The following GPC5 variants were observed in gnomAD, a reference collection of about 807,000 sequenced individuals.
The protein encoded by GPC5 is glypican-5.
GPC5 carries 47 observed loss-of-function variants against 53.9 expected under a neutral mutation model. The observed-to-expected ratio is 0.87, with a 90% CI of 0.69 to 1.11. The LOEUF (loss-of-function observed/expected upper bound fraction) is 1.11. Among genes scored for constraint, GPC5 ranks in the 50% most tolerant of loss-of-function variants. GPC5 has a pLI of 0.00. For synonymous variants in GPC5, 286 were observed against 263.3 expected, an observed-to-expected ratio of 1.09 and a Z score of -0.84; for missense variants, 748 against 713.1, an observed-to-expected ratio of 1.05 and a Z score of -0.56.
intron 6 of GPC5, among the ~76,000 whole-genome samples, chr13:91,984,148 T>A (rs2040385807): frequency 6.6e-6 from 1 of 152,218 alleles, no homozygotes; most frequent in African/African-American, 2.4e-5. Context: ...TGAAGTTAAG[T>A]CAACATTGTT....
chr13:92,636,489 G>T (rs1451360360), intron 7 of GPC5, among the ~76,000 whole-genome samples: 1 of 152,130 alleles, frequency 6.6e-6, no homozygotes, highest in Non-Finnish European at 1.5e-5. Flanking sequence ...GCCTTTAGCA[G>T]TTCCCTCCTT....
chr13:92,551,208 G>A (rs1384851810), intron 7 of GPC5, among the ~76,000 whole-genome samples: 1 of 145,390 alleles, frequency 6.9e-6, no homozygotes, highest in Admixed American at 6.8e-5. Flanking sequence ...AGGCCAATGT[G>A]TGATAGTTTA....
At chr13:92,001,827 A>G (rs1473156464) in intron 6 of GPC5, among the ~76,000 whole-genome samples, 1 of 152,226 alleles carries the variant, frequency 6.6e-6, no homozygotes, top group African/African-American at 2.4e-5. Context: ...ATACAACAAA[A>G]GAAAATATTA....
chr13:92,615,117 C>G (rs958698334), intron 7 of GPC5, among the ~76,000 whole-genome samples: 1 of 152,168 alleles, frequency 6.6e-6, no homozygotes, highest in Non-Finnish European at 1.5e-5. Context: ...GAAGCAGAGT[C>G]ACATAATTGA....
At chr13:92,507,602 T>C (rs1427696586) in intron 7 of GPC5, among the ~76,000 whole-genome samples, 2 of 152,202 alleles carry the variant, frequency 1.3e-5, no homozygotes, top group Non-Finnish European at 2.9e-5. Flanking sequence ...CCACTCTACC[T>C]ATAACATCTC....
At chr13:91,400,600 G>A (rs902105284) in intron 1 of GPC5, among the ~76,000 whole-genome samples, 6 of 152,140 alleles carry the variant, frequency 3.9e-5, no homozygotes, top group African/African-American at 1.4e-4. Context: ...TGTGCGTGTG[G>A]GTGGTGAGGG....
At chr13:92,271,548 C>T (rs969105974) in intron 7 of GPC5, among the ~76,000 whole-genome samples, 1 of 152,100 alleles carries the variant, frequency 6.6e-6, no homozygotes, top group African/African-American at 2.4e-5. Context: ...GAATATCATG[C>T]AGCAACTTAT....
chr13:92,528,320 G>A (rs1881436508), intron 7 of GPC5, among the ~76,000 whole-genome samples: 1 of 152,048 alleles, frequency 6.6e-6, no homozygotes, highest in Non-Finnish European at 1.5e-5. Context: ...TGGCCATGCA[G>A]GTCCTTTTGA....
chr13:92,838,739 A>C (rs1463493331), intron 7 of GPC5, among the ~76,000 whole-genome samples: 3 of 152,134 alleles, frequency 2.0e-5, no homozygotes, highest in Non-Finnish European at 1.5e-5. Flanking sequence ...AAATATATAA[A>C]AAGATAGGGA....
intron 1 of GPC5, among the ~76,000 whole-genome samples, chr13:91,422,561 A>G (rs1878712098): frequency 6.6e-6 from 1 of 152,106 alleles, no homozygotes; most frequent in Non-Finnish European, 1.5e-5. Flanking sequence ...GCTGGAACCC[A>G]GAAGGCAGAG....
chr13:92,533,541 T>C (rs1187284739), intron 7 of GPC5, among the ~76,000 whole-genome samples: 1 of 152,178 alleles, frequency 6.6e-6, no homozygotes, highest in Non-Finnish European at 1.5e-5. Context: ...ATAAGCATGT[T>C]TTTTTACATA....
intron 5 of GPC5, among the ~76,000 whole-genome samples, chr13:91,896,607 A>G (rs1280585751): frequency 1.3e-5 from 2 of 152,136 alleles, no homozygotes; most frequent in African/African-American, 2.4e-5. Flanking sequence ...ATGAAGGATG[A>G]AGGGGAGATT....
At chr13:92,730,370 GAT>G (rs1207623462) in intron 7 of GPC5, among the ~76,000 whole-genome samples, 1 of 151,310 alleles carries the variant, frequency 6.6e-6, no homozygotes, top group Non-Finnish European at 1.5e-5. Context: ...CTCAGTGTAA[GAT>G]ATTACTATGA....
chr13:91,918,920 G>C (rs1362670032), intron 6 of GPC5, among the ~76,000 whole-genome samples: 1 of 151,858 alleles, frequency 6.6e-6, no homozygotes, highest in African/African-American at 2.4e-5. Flanking sequence ...TGGCTTCACG[G>C]TAGCTGCCTA....
chr13:91,573,667 AC>A (rs1458369907), intron 2 of GPC5, among the ~76,000 whole-genome samples: 1 of 152,156 alleles, frequency 6.6e-6, no homozygotes, highest in African/African-American at 2.4e-5. Flanking sequence ...TTTTTCTAGT[AC>A]CAGTATCTAA....
At chr13:91,990,482 C>G (rs929358795) in intron 6 of GPC5, among the ~76,000 whole-genome samples, 1 of 151,968 alleles carries the variant, frequency 6.6e-6, no homozygotes, top group Admixed American at 6.6e-5. Context: ...ATGGTAACAC[C>G]AAGACAAAGG....
At chr13:91,438,397 C>T (rs1489527689) in intron 1 of GPC5, among the ~76,000 whole-genome samples, 4 of 152,208 alleles carry the variant, frequency 2.6e-5, no homozygotes, top group Admixed American at 2.6e-4. Flanking sequence ...CCCTCAGCTG[C>T]AGGTCTGTTG....
intron 7 of GPC5, among the ~76,000 whole-genome samples, chr13:92,368,858 G>A (rs182642114): frequency 1.0e-3 from 153 of 152,124 alleles, no homozygotes; most frequent in African/African-American, 3.3e-3. Context: ...CATTTTTGTA[G>A]GAAGAATTCC....
chr13:91,849,527 C>A (rs193001758), intron 5 of GPC5, among the ~76,000 whole-genome samples: 1 of 151,978 alleles, frequency 6.6e-6, no homozygotes, highest in Non-Finnish European at 1.5e-5. Context: ...CAATAAATAA[C>A]ATTATTAAAG....
Sources: gnomAD v4.1 joint callset for allele counts (sites outside exome capture counted in the v4.1 genomes callset) on GRCh38, gnomAD v4.1.1 for gene constraint, MANE v1.5 for transcripts, NCBI Gene and HGNC (gene_info 2026-07-23, HGNC 2026-07-21) for gene names.